The following MRPL1 variants were observed in gnomAD, a reference collection of about 807,000 sequenced individuals.
MRPL1 encodes the protein large ribosomal subunit protein uL1m.
MRPL1 carries 28 observed loss-of-function variants against 38.0 expected under a neutral mutation model. The observed-to-expected ratio is 0.74, with a 90% CI of 0.55 to 1.01. The LOEUF (loss-of-function observed/expected upper bound fraction) is 1.01, where lower values mean the gene tolerates loss of function less well. Among genes scored for constraint, MRPL1 ranks in the 50% least tolerant of loss-of-function variants. The pLI is 0.00. For synonymous variants in MRPL1, 123 were observed against 126.7 expected (o/e 0.97, Z 0.20); for missense variants, 358 against 389.8 (o/e 0.92, Z 0.69).
chr4:77,875,868 G>A (rs1171787310), intron 2 of MRPL1, among the ~76,000 whole-genome samples: 1 of 152,170 alleles, frequency 6.6e-6, no homozygotes, highest in Non-Finnish European at 1.5e-5. Flanking sequence ...AGTACCGCTT[G>A]TACCAGTTTA....
intron 2 of MRPL1, among the ~76,000 whole-genome samples, chr4:77,877,242 C>A (rs796088800): frequency 6.6e-6 from 1 of 152,118 alleles, no homozygotes; most frequent in African/African-American, 2.4e-5. Flanking sequence ...TATCTGAATG[C>A]GAGATATGTT....
chr4:77,924,583 A>AT (rs926167500), intron 7 of MRPL1, among the ~76,000 whole-genome samples: 4 of 150,910 alleles, frequency 2.7e-5, no homozygotes, highest in Non-Finnish European at 5.9e-5. Flanking sequence ...CTTTGATTAC[A>AT]TTTTTTTTCA....
At chr4:77,941,864 C>T (rs956888124) in intron 7 of MRPL1, among the ~76,000 whole-genome samples, 1 of 151,932 alleles carries the variant, frequency 6.6e-6, no homozygotes, top group African/African-American at 2.4e-5. Flanking sequence ...TTGTTTGTTT[C>T]CATTGCATTT....
intron 1 of MRPL1, among the ~76,000 whole-genome samples, chr4:77,866,655 C>G (rs1401804032): frequency 6.6e-6 from 1 of 152,026 alleles, no homozygotes; most frequent in African/African-American, 2.4e-5. Flanking sequence ...TAAGAACACT[C>G]TTGCCTTAGA....
At chr4:77,910,473 T>TA (rs1736260998) in intron 7 of MRPL1, among the ~76,000 whole-genome samples, 1 of 152,020 alleles carries the variant, frequency 6.6e-6, no homozygotes. Flanking sequence ...CCCATCTCTA[T>TA]AAAAAATACA....
chr4:77,921,387 T>G (rs1213429954), intron 7 of MRPL1, among the ~76,000 whole-genome samples: 2 of 152,190 alleles, frequency 1.3e-5, no homozygotes, highest in East Asian at 3.8e-4. Context: ...TATAGAAAGG[T>G]TGGTCAGGGA....
intron 1 of MRPL1, among the ~76,000 whole-genome samples, chr4:77,865,820 C>T (rs989514945): frequency 1.3e-5 from 2 of 152,222 alleles, no homozygotes; most frequent in African/African-American, 4.8e-5. Context: ...TCTCTACAGT[C>T]TACTGTCAAT....
intron 5 of MRPL1, among the ~76,000 whole-genome samples, chr4:77,887,742 C>A (rs1735716850): frequency 1.3e-5 from 2 of 152,112 alleles, no homozygotes; most frequent in African/African-American, 4.8e-5. Flanking sequence ...TGGTCTTGAA[C>A]TCTTGGCATC....
Position 77,887,179 on chromosome 4 carries a change from T to C in MRPL1, c.487-41T>C, listed in dbSNP as rs1264374253. The C allele has an allele frequency of 2.1e-6, 3 of 1,456,330 alleles. No individual in the cohort carries two copies. The African/African-American group carries it at 4.2e-5, about 20-fold the overall frequency. The allele number at this position is 1,456,330 out of a possible 1,614,324, so 90.2% of individuals were successfully genotyped here. A position where few individuals can be genotyped will look rare whatever the true frequency, so the allele number is the denominator to read the frequency against. On this transcript the variant is annotated intron_variant, in intron 4 of 8. Coordinates refer to ENST00000315567, the MANE Select transcript of MRPL1 (RefSeq NM_020236.4). ...TACTTCAAAGCAGACTGAATATATTTAAAATTAATGATTGATTTTCAAATT... is the reference window on the plus strand; with the variant it reads ...TACTTCAAAGCAGACTGAATATATTCAAAATTAATGATTGATTTTCAAATT...
At chr4:77,894,771 A>T (rs892795583) in intron 6 of MRPL1, among the ~76,000 whole-genome samples, 8 of 152,258 alleles carry the variant, frequency 5.3e-5, no homozygotes, top group East Asian at 3.9e-4. Context: ...ATAATAAATT[A>T]AAAAAGTGCT....
At chr4:77,910,391 A>T (rs956293441) in intron 7 of MRPL1, among the ~76,000 whole-genome samples, 2 of 152,192 alleles carry the variant, frequency 1.3e-5, no homozygotes, top group African/African-American at 4.8e-5. Flanking sequence ...AAGCTCATTG[A>T]GCTGTGCCCA....
rs1334182405 is a variant in MRPL1 at position 77,909,241 on chromosome 4, T to C, written c.671-25T>C. On this transcript the variant is annotated intron_variant, in intron 6 of 8. Coordinates refer to ENST00000315567, the MANE Select transcript of MRPL1 (RefSeq NM_020236.4). The stretch of plus-strand genomic sequence containing the variant: ...TTTACTACTTATTTGGAGTGATAAT[T>C]GTGGATTTTACTTTTTCTAACTAGA... 1.1e-5 allele frequency: 15 copies of C among 1,354,122 alleles called. No homozygotes were observed. In the East Asian group the frequency reaches 3.5e-4, roughly 31 times the overall value. The allele number at this position is 1,354,122 out of a possible 1,614,324, so 83.9% of individuals were successfully genotyped here.
chr4:77,866,744 C>G (rs1358781855), intron 1 of MRPL1, among the ~76,000 whole-genome samples: 1 of 149,684 alleles, frequency 6.7e-6, no homozygotes, highest in Non-Finnish European at 1.5e-5. Flanking sequence ...TGAAATATCA[C>G]CCCCCTTTTT....
At chr4:77,931,582 A>G (rs1406084094) in intron 7 of MRPL1, among the ~76,000 whole-genome samples, 9 of 152,248 alleles carry the variant, frequency 5.9e-5, no homozygotes, top group Non-Finnish European at 8.8e-5. Flanking sequence ...AGGAGGATGT[A>G]TATGAGGATA....
rs372070323 is a variant in MRPL1, at chr4:77,877,776, C to T, written c.144-5466C>T. ...AGCTGGATTGGTACAGGATACTGGGCTCTGGACTATTTCCTGCCCTGCTCT... is the reference window on the plus strand; with the variant it reads ...AGCTGGATTGGTACAGGATACTGGGTTCTGGACTATTTCCTGCCCTGCTCT... On this transcript the variant is annotated intron_variant, in intron 2 of 8. Transcript: ENST00000315567. Among the ~76,000 whole-genome samples the T allele has an allele frequency of 1.3e-3, 200 of 151,750 alleles. 3 individuals carry two copies. The highest frequency in any genetic ancestry group is 2.5e-3 in the Non-Finnish European group (169 of 67,940).
chr4:77,947,387 C>T (rs1400173697), intron 7 of MRPL1, among the ~76,000 whole-genome samples: 1 of 152,200 alleles, frequency 6.6e-6, no homozygotes, highest in Non-Finnish European at 1.5e-5. Context: ...TTCAAATACA[C>T]ACATATGCAC....
At chr4:77,922,550 G>A (rs1015667432) in intron 7 of MRPL1, among the ~76,000 whole-genome samples, 1 of 152,168 alleles carries the variant, frequency 6.6e-6, no homozygotes, top group East Asian at 1.9e-4. Flanking sequence ...CCAGTTAAGG[G>A]TCTTTTGCAA....
chr4:77,922,739 A>G (rs66825464), intron 7 of MRPL1, among the ~76,000 whole-genome samples: 116,537 of 152,194 alleles, frequency 0.77, 45,628 homozygotes, highest in African/African-American at 0.94. Flanking sequence ...TTTTGCTGAC[A>G]AAACTGGAAT....
chr4:77,909,418 TCAAGTATTCTTCAGTAATTTATAA>T (rs763223035), intron 7 of MRPL1, 46 bp downstream of exon 7: 1 of 1,185,330 alleles, frequency 8.4e-7, no homozygotes, highest in African/African-American at 1.5e-5. Context: ...TTTTTGTTGT[TCAAGTATTCTTCAGTAATTTATAA>T]TATTATAAAA....
Sources: allele counts gnomAD v4.1 joint callset (sites outside exome capture counted in the v4.1 genomes callset), GRCh38; gene constraint gnomAD v4.1.1; transcripts MANE v1.5; gene names NCBI Gene and HGNC (gene_info 2026-07-23, HGNC 2026-07-21).